The following SOBP variants were observed in gnomAD, a reference collection of about 807,000 sequenced individuals.
SOBP encodes the protein sine oculis binding protein homolog.
SOBP carries 4 observed loss-of-function variants against 53.6 expected under a neutral mutation model. The ratio of observed to expected loss-of-function variants is 0.07; its 90% confidence interval spans 0.04 to 0.17. The LOEUF (loss-of-function observed/expected upper bound fraction) is 0.17. SOBP is among the 10% of genes least tolerant of loss of function. The pLI is 1.00. For synonymous variants in SOBP, 584 were observed against 522.6 expected (o/e 1.12, Z -1.60); for missense variants, 1,088 against 1,204.7 (o/e 0.90, Z 1.43).
chr6:107,548,534 G>A (rs530881473), intron 4 of SOBP, among the ~76,000 whole-genome samples: 34 of 152,198 alleles, frequency 2.2e-4, no homozygotes, highest in South Asian at 4.1e-4. Context: ...GAGCCACCGC[G>A]CCCAGCCAAC....
chr6:107,637,736 G>A (rs1196430704), intron 6 of SOBP, among the ~76,000 whole-genome samples: 1 of 152,258 alleles, frequency 6.6e-6, no homozygotes, highest in Non-Finnish European at 1.5e-5. Flanking sequence ...ATTGGAGTGA[G>A]AAGTGACCAG....
chr6:107,532,598 A>G (rs1362457066), intron 3 of SOBP, among the ~76,000 whole-genome samples: 1 of 152,200 alleles, frequency 6.6e-6, no homozygotes, highest in Non-Finnish European at 1.5e-5. Context: ...TTCTTCTCAT[A>G]CAAAGGAAAA....
intron 4 of SOBP, among the ~76,000 whole-genome samples, chr6:107,585,197 A>C (rs1192013039): frequency 1.3e-5 from 2 of 152,238 alleles, no homozygotes; most frequent in Non-Finnish European, 2.9e-5. Context: ...TGTTTGTTAA[A>C]TATCAACTAA....
chr6:107,607,825 C>T (rs1444517224), intron 5 of SOBP, among the ~76,000 whole-genome samples: 1 of 152,194 alleles, frequency 6.6e-6, no homozygotes, highest in Non-Finnish European at 1.5e-5. Context: ...AGCTTTGCCC[C>T]TTACCAGGTA....
In SOBP at chr6:107,634,043, AGCAGCAGATCAT is replaced by A. The variant is rs754504961; in HGVS notation, c.1210_1221del (p.Met404_Ile407del). The A allele has an allele frequency of 5.0e-6, 8 of 1,609,238 alleles. No individual in the cohort carries two copies. The highest frequency in any genetic ancestry group is 6.8e-6 in the Non-Finnish European group (8 of 1,177,358). ...CCGGTGCCGCTGCCCATCTTCATGG[AGCAGCAGATCAT>A]GCAGCAGATCCGCCCGCCCTTCATC... On this transcript the variant is annotated inframe_deletion, in exon 6 of 7. Coordinates refer to ENST00000317357, the MANE Select transcript of SOBP (RefSeq NM_018013.4). This position sits in a 1 kb window ranked among gnomAD's most constrained non-coding sequence, Gnocchi z 4.5.
chr6:107,513,591 G>A (rs1169235007), intron 3 of SOBP, among the ~76,000 whole-genome samples: 1 of 152,014 alleles, frequency 6.6e-6, no homozygotes, highest in Non-Finnish European at 1.5e-5. Flanking sequence ...TAGCCATTGA[G>A]AAAACAGGAT....
Position 107,515,580 on chromosome 6 carries a change from C to T in SOBP, c.421+9153C>T, listed in dbSNP as rs568244215. 5.3e-5 allele frequency among the ~76,000 whole-genome samples: 8 copies of T among 152,234 alleles called. No individual in the cohort carries two copies. In the South Asian group the frequency reaches 1.7e-3, roughly 32 times the overall value. On this transcript the variant is annotated intron_variant, in intron 3 of 6. Coordinates refer to ENST00000317357, the MANE Select transcript of SOBP (RefSeq NM_018013.4). Reference sequence around the variant, plus strand: ...CCTGGGCAACATGGCAAAACCCTGTCTCTACTAAAAATACTAAAATAAGCT... The same window carrying T: ...CCTGGGCAACATGGCAAAACCCTGTTTCTACTAAAAATACTAAAATAAGCT...
intron 4 of SOBP, among the ~76,000 whole-genome samples, chr6:107,535,435 C>T (rs546641664): frequency 7.2e-5 from 11 of 152,286 alleles, no homozygotes; most frequent in Admixed American, 6.5e-4. Flanking sequence ...TTCTACCAGG[C>T]GTTATTGGGA....
Position 107,635,387 on chromosome 6 carries a change from C to G in SOBP, c.2543C>G (p.Pro848Arg). 1 of 1,613,474 alleles carries G rather than the reference C, an allele frequency of 6.2e-7. No individual in the cohort carries two copies. Among genetic ancestry groups the G allele is most frequent in the Non-Finnish European group, 8.5e-7 (1 of 1,180,024 alleles). ...ATGGCACCGTGCATCATCTCCTCGC[C>G]CATGCTCAGCGCCGGGCCTGAGGAC... ...AAMAPCIISS[P>R]MLSAGPEDLE... Residue 848 changes from proline (P) to arginine (R), a missense_variant, in exon 6 of 7, where the codon CCC becomes CGC. Pro to Arg is a moderately radical substitution (Grantham distance 103, BLOSUM62 -2). Coordinates refer to ENST00000317357, the MANE Select transcript of SOBP (RefSeq NM_018013.4). The surrounding 1 kb of genome is among the most constrained non-coding windows in gnomAD (Gnocchi z 4.5).
rs553368593 is a variant in SOBP at position 107,522,618 on chromosome 6, C to T, written c.422-10841C>T. Among the ~76,000 whole-genome samples, 13 of 138,340 alleles carry T rather than the reference C, an allele frequency of 9.4e-5. No homozygotes were observed. In the South Asian group the frequency reaches 1.4e-3, roughly 15 times the overall value. The allele number at this position is 138,340 out of a possible 152,430, so 90.8% of individuals were successfully genotyped here. On this transcript the variant is annotated intron_variant, in intron 3 of 6. Transcript: ENST00000317357. Reference sequence around the variant, plus strand: ...GTCGAGTGGTGCCATCACAGCTTACCGCAGCCTTGACCTCCCTGAGCTCAG... The same window carrying T: ...GTCGAGTGGTGCCATCACAGCTTACTGCAGCCTTGACCTCCCTGAGCTCAG...
At chr6:107,639,174 A>G (rs1207200703) in intron 6 of SOBP, among the ~76,000 whole-genome samples, 1 of 152,220 alleles carries the variant, frequency 6.6e-6, no homozygotes. Context: ...AAGTGTTGGG[A>G]TTACAGGTGT....
intron 5 of SOBP, among the ~76,000 whole-genome samples, chr6:107,593,297 G>C (rs1331109663): frequency 6.6e-6 from 1 of 152,148 alleles, no homozygotes; most frequent in Admixed American, 6.5e-5. Flanking sequence ...CTGATATAGG[G>C]GCCTTATTGG....
At chr6:107,601,679 A>G (rs1477924625) in intron 5 of SOBP, among the ~76,000 whole-genome samples, 1 of 152,174 alleles carries the variant, frequency 6.6e-6, no homozygotes, top group Non-Finnish European at 1.5e-5. Context: ...CACTGGGTCT[A>G]ATACAGTTTT....
At chr6:107,622,969 G>A (rs1370355822) in intron 5 of SOBP, among the ~76,000 whole-genome samples, 1 of 152,208 alleles carries the variant, frequency 6.6e-6, no homozygotes, top group Admixed American at 6.5e-5. Flanking sequence ...GTTATGAGAA[G>A]GTGGAGGAGC....
rs551165017 is a variant in SOBP, at chr6:107,635,067, T to G, written c.2223T>G (p.Pro741=). ...AAEGAKSAEP[P]PEQPPPPPPP... Reference sequence around the variant, plus strand: ...AGGGCGCTAAGAGCGCGGAGCCGCCTCCCGAGCAGCCGCCGCCGCCGCCGC... The same window carrying G: ...AGGGCGCTAAGAGCGCGGAGCCGCCGCCCGAGCAGCCGCCGCCGCCGCCGC... Residue 741 remains proline, a synonymous_variant, in exon 6 of 7, where the codon CCT becomes CCG. Coordinates refer to ENST00000317357, the MANE Select transcript of SOBP (RefSeq NM_018013.4). This position sits in a 1 kb window ranked among gnomAD's most constrained non-coding sequence, Gnocchi z 4.5. 2 of 1,550,228 alleles carry G rather than the reference T, an allele frequency of 1.3e-6. No homozygotes were observed. Among genetic ancestry groups the G allele is most frequent in the African/African-American group, 2.8e-5 (2 of 72,138 alleles).
chr6:107,519,577 A>G (rs1304340318), intron 3 of SOBP, among the ~76,000 whole-genome samples: 1 of 152,192 alleles, frequency 6.6e-6, no homozygotes, highest in Non-Finnish European at 1.5e-5. Flanking sequence ...CAGCATGGGC[A>G]TCCTATGTGG....
intron 4 of SOBP, among the ~76,000 whole-genome samples, chr6:107,569,993 AAGGGCAGGTGT>A (rs1562622098): frequency 1.3e-5 from 2 of 152,288 alleles, no homozygotes; most frequent in East Asian, 3.9e-4. Flanking sequence ...AGCCATTGTG[AAGGGCAGGTGT>A]AGGGTCTCAG....
At chr6:107,598,706 G>T (rs936392964) in intron 5 of SOBP, among the ~76,000 whole-genome samples, 3 of 152,102 alleles carry the variant, frequency 2.0e-5, no homozygotes, top group African/African-American at 7.2e-5. Flanking sequence ...TCTAGAAGGC[G>T]GTTAGAACAG....
Position 107,595,275 on chromosome 6 carries a change from T to C in SOBP, c.669+8100T>C, listed in dbSNP as rs138950322. Among the ~76,000 whole-genome samples, 1,129 of 150,044 alleles carry C rather than the reference T, an allele frequency of 7.5e-3. 13 individuals are homozygous for C. Among genetic ancestry groups the C allele is most frequent in the Non-Finnish European group, 8.1e-3 (550 of 67,708 alleles). On this transcript the variant is annotated intron_variant, in intron 5 of 6. Coordinates refer to ENST00000317357, the MANE Select transcript of SOBP (RefSeq NM_018013.4). ...ACATTAAAAGATCAGCTGTAGACTA[T>C]AGAAAATATATTTTTCAATATGATA...
Sources: allele counts gnomAD v4.1 joint callset (sites outside exome capture counted in the v4.1 genomes callset), GRCh38; gene constraint gnomAD v4.1.1; non-coding constraint Gnocchi (gnomAD v3.1); transcripts MANE v1.5; gene names NCBI Gene and HGNC (gene_info 2026-07-23, HGNC 2026-07-21).